DMD: variants seen among roughly 807,000 people sequenced by gnomAD.
DMD encodes the protein mutant dystrophin.
A neutral mutation model predicts 330.1 loss-of-function variants in DMD; 63 were observed. That is an observed-to-expected ratio of 0.19 (90% CI 0.16 to 0.24). The LOEUF (loss-of-function observed/expected upper bound fraction) is 0.24, where lower values mean the gene tolerates loss of function less well. Among genes scored for constraint, DMD ranks in the 10% least tolerant of loss-of-function variants. The pLI is 1.00. For synonymous variants in DMD, 1,223 were observed against 959.8 expected (o/e 1.27, Z -5.07); for missense variants, 3,344 against 2,684.1 (o/e 1.25, Z -5.43).
At chrX:31,989,982 G>A (rs1451753513) in intron 44 of DMD, among the ~76,000 whole-genome samples, 1 of 110,811 alleles carries the variant, frequency 9.0e-6, no homozygotes, top group Non-Finnish European at 1.9e-5. Flanking sequence ...CTTTCGGAGT[G>A]CCTAATTCGT....
At chrX:32,124,484 T>C (rs2096652191) in intron 44 of DMD, among the ~76,000 whole-genome samples, 1 of 112,183 alleles carries the variant, frequency 8.9e-6, no homozygotes, top group South Asian at 3.7e-4. Context: ...TACGTTTACC[T>C]AGGTCCAAAG....
chrX:31,911,881 G>A (rs1229308416), intron 47 of DMD, among the ~76,000 whole-genome samples: 2 of 111,665 alleles, frequency 1.8e-5, no homozygotes, highest in African/African-American at 6.5e-5. Flanking sequence ...AGCATTTGAA[G>A]CAAATTGGAA....
intron 64 of DMD, among the ~76,000 whole-genome samples, chrX:31,213,935 A>C (rs768298243): frequency 8.9e-6 from 1 of 112,630 alleles, no homozygotes; most frequent in African/African-American, 3.2e-5. Context: ...ACAGGCTTTG[A>C]AATTGGTTAC....
At chrX:32,438,205 A>T (rs773135150) in intron 29 of DMD, 36 bp downstream of exon 29, 1 of 1,198,729 alleles carries the variant, frequency 8.3e-7, no homozygotes, top group Admixed American at 2.2e-5. Flanking sequence ...CATTAATGCA[A>T]ATTAGATTAA....
At chrX:32,338,943 T>C (rs1569558712) in intron 41 of DMD, among the ~76,000 whole-genome samples, 1 of 112,142 alleles carries the variant, frequency 8.9e-6, no homozygotes, top group Non-Finnish European at 1.9e-5. Context: ...GAACGAGATA[T>C]CTGTTGTTAA....
intron 44 of DMD, among the ~76,000 whole-genome samples, chrX:32,189,329 C>T (rs982034818): frequency 6.6e-5 from 7 of 105,525 alleles, no homozygotes; most frequent in South Asian, 4.2e-4. Context: ...TAATTTTTAA[C>T]GTTGACAATG....
At chrX:32,984,348 A>G (rs941138114) in intron 2 of DMD, among the ~76,000 whole-genome samples, 10 of 112,313 alleles carry the variant, frequency 8.9e-5, no homozygotes, top group Non-Finnish European at 1.9e-4. Context: ...TCCGCCTCCC[A>G]GGTTCAAGCG....
intron 55 of DMD, among the ~76,000 whole-genome samples, chrX:31,605,656 T>C (rs906706874): frequency 1.3e-4 from 14 of 111,560 alleles, no homozygotes; most frequent in Admixed American, 1.9e-4. Flanking sequence ...TAAATATATA[T>C]GAATTGAATG....
intron 44 of DMD, among the ~76,000 whole-genome samples, chrX:32,193,299 A>G (rs763148266): frequency 8.9e-6 from 1 of 112,349 alleles, no homozygotes; most frequent in East Asian, 2.8e-4. Flanking sequence ...TTAATATAAC[A>G]CAACACACAG....
intron 13 of DMD, among the ~76,000 whole-genome samples, chrX:32,593,477 A>G (rs1480098431): frequency 8.9e-6 from 1 of 111,971 alleles, no homozygotes; most frequent in Non-Finnish European, 1.9e-5. Context: ...CTACCTGCCT[A>G]TCATAGTGAC....
At chrX:31,318,971 G>A (rs936150246) in intron 62 of DMD, among the ~76,000 whole-genome samples, 1 of 112,206 alleles carries the variant, frequency 8.9e-6, no homozygotes, top group African/African-American at 3.2e-5. Context: ...AAACACTTTT[G>A]CTGGTATTAC....
chrX:32,538,523 G>C (rs228356), intron 17 of DMD, among the ~76,000 whole-genome samples: 20,449 of 110,306 alleles, frequency 0.19, 1,454 homozygotes, highest in East Asian at 0.33. Flanking sequence ...CCTGCACCCA[G>C]GTGAAATAGA....
In DMD at chrX:32,441,162, G is replaced by T. The variant is rs760035056; in HGVS notation, c.3921+18C>A. On this transcript the variant is annotated intron_variant, in intron 28 of 78. Coordinates refer to ENST00000357033, the MANE Select transcript of DMD (RefSeq NM_004006.3). ...ACTGCATATAAATTATCATCATTTG[G>T]CTTAATTTACAACTTACATCTAGCA... The T allele has an allele frequency of 3.3e-6, 4 of 1,201,414 alleles. No individual in the cohort carries two copies. Among genetic ancestry groups the T allele is most frequent in the Admixed American group, 4.4e-5 (2 of 45,419 alleles).
At chrX:32,800,357 AGT>A (rs1310471204) in intron 7 of DMD, among the ~76,000 whole-genome samples, 1 of 111,501 alleles carries the variant, frequency 9.0e-6, no homozygotes, top group Non-Finnish European at 1.9e-5. Flanking sequence ...GTGACTAAGC[AGT>A]CAGTAAATAA....
chrX:32,963,763 A>G (rs867346232), intron 2 of DMD, among the ~76,000 whole-genome samples: 2 of 111,660 alleles, frequency 1.8e-5, no homozygotes, highest in Non-Finnish European at 3.8e-5. Context: ...GGGGTCAACC[A>G]AAGTGTATAA....
At chrX:32,803,139 T>C (rs185833047) in intron 7 of DMD, among the ~76,000 whole-genome samples, 1 of 111,928 alleles carries the variant, frequency 8.9e-6, no homozygotes, top group Non-Finnish European at 1.9e-5. Flanking sequence ...CTGCCTCAAT[T>C]TCAGAACTTG....
At chrX:32,130,288 G>C (rs1342489766) in intron 44 of DMD, among the ~76,000 whole-genome samples, 11 of 111,414 alleles carry the variant, frequency 9.9e-5, no homozygotes, top group African/African-American at 3.6e-4. Flanking sequence ...CAGAAAGTTT[G>C]AGTGTTACAC....
intron 2 of DMD, among the ~76,000 whole-genome samples, chrX:32,920,351 T>C: frequency 8.9e-6 from 1 of 111,863 alleles, no homozygotes; most frequent in Non-Finnish European, 1.9e-5. Flanking sequence ...CTGGATGCAT[T>C]TGTCTCAGAG....
intron 43 of DMD, among the ~76,000 whole-genome samples, chrX:32,262,949 C>G (rs1012437349): frequency 2.7e-5 from 3 of 111,767 alleles, no homozygotes; most frequent in African/African-American, 9.8e-5. Flanking sequence ...CAACTCCTCT[C>G]TCTCCTCAAT....
Sources: gnomAD v4.1 joint callset for allele counts (sites outside exome capture counted in the v4.1 genomes callset) on GRCh38, gnomAD v4.1.1 for gene constraint, MANE v1.5 for transcripts, NCBI Gene and HGNC (gene_info 2026-07-23, HGNC 2026-07-21) for gene names.